Variants in EML1 observed in about 807,000 individuals in gnomAD.
EML1 encodes the protein EMAP like 1.
In EML1, 27 loss-of-function variants were observed where a neutral mutation model predicts 110.4. The observed-to-expected ratio is 0.24, with a 90% confidence interval of 0.18 to 0.34. The LOEUF is 0.34. Among genes scored for constraint, EML1 ranks in the 10% least tolerant of loss-of-function variants. The pLI is 1.00. For synonymous variants in EML1, 344 were observed against 385.8 expected, an observed-to-expected ratio of 0.89 and a Z score of 1.27; for missense variants, 741 against 1,030.9, an observed-to-expected ratio of 0.72 and a Z score of 3.85.
intron 1 of EML1, among the ~76,000 whole-genome samples, chr14:99,844,409 G>A (rs1397975453): frequency 1.3e-5 from 2 of 151,704 alleles, no homozygotes; most frequent in East Asian, 3.9e-4. Flanking sequence ...AATCTGGGAG[G>A]TGGAGGTTGC....
At chr14:99,823,361 A>C (rs1315244245) in intron 1 of EML1, among the ~76,000 whole-genome samples, 2 of 152,048 alleles carry the variant, frequency 1.3e-5, no homozygotes, top group East Asian at 3.9e-4. Flanking sequence ...AGCCATCAGA[A>C]CCAGGCATTT....
intron 1 of EML1, among the ~76,000 whole-genome samples, chr14:99,800,926 C>A (rs1206744668): frequency 2.0e-5 from 3 of 152,236 alleles, no homozygotes; most frequent in Non-Finnish European, 4.4e-5. Context: ...AAGCCCAGGG[C>A]CTGCCCGAGG....
chr14:99,914,539 G>A (rs756611705), intron 14 of EML1, 27 bp from the exon 15 acceptor site: 19 of 1,577,150 alleles, frequency 1.2e-5, no homozygotes, highest in East Asian at 1.1e-4. Context: ...ATCTCAGAGC[G>A]CTTCTGTTTG....
At chr14:99,920,408 C>G (rs940027737) in intron 16 of EML1, among the ~76,000 whole-genome samples, 2 of 152,220 alleles carry the variant, frequency 1.3e-5, no homozygotes, top group African/African-American at 4.8e-5. Flanking sequence ...CTGCTTCGCC[C>G]TGGAAACCTG....
At chr14:99,862,921 A>G (rs1595395011) in intron 2 of EML1, among the ~76,000 whole-genome samples, 1 of 152,210 alleles carries the variant, frequency 6.6e-6, no homozygotes, top group Non-Finnish European at 1.5e-5. Context: ...ACATGTGTTT[A>G]TACTAACCTG....
chr14:99,921,004 G>A (rs2060121614), intron 17 of EML1, 127 bp downstream of exon 17: 1 of 811,460 alleles, frequency 1.2e-6, no homozygotes, highest in Admixed American at 2.8e-5. Flanking sequence ...TTAACGCACA[G>A]ATCAACCCAT....
chr14:99,926,574 T>C (rs4905919), intron 17 of EML1, among the ~76,000 whole-genome samples: 115,848 of 151,936 alleles, frequency 0.76, 44,653 homozygotes, highest in African/African-American at 0.89. Context: ...CATAAGCCAC[T>C]GCCCCTGGCA....
chr14:99,892,255 A>G, intron 5 of EML1: 7 of 967,022 alleles, frequency 7.2e-6, no homozygotes, highest in Non-Finnish European at 8.6e-6. Flanking sequence ...CAGGCTACAG[A>G]AACCTTTTTC....
At chr14:99,798,910 T>C (rs1246747305) in intron 1 of EML1, among the ~76,000 whole-genome samples, 1 of 152,230 alleles carries the variant, frequency 6.6e-6, no homozygotes, top group Non-Finnish European at 1.5e-5. Flanking sequence ...TGTGTTGTAA[T>C]GCTATAAATA....
chr14:99,918,184 G>C (rs1302150740), intron 16 of EML1, among the ~76,000 whole-genome samples: 1 of 152,154 alleles, frequency 6.6e-6, no homozygotes, highest in East Asian at 1.9e-4. Context: ...GCTTACTGCA[G>C]CCTCCAGGGC....
At chr14:99,817,519 C>T (rs35522344) in intron 1 of EML1, among the ~76,000 whole-genome samples, 46,053 of 152,140 alleles carry the variant, frequency 0.3, 8,506 homozygotes, top group South Asian at 0.51. Flanking sequence ...GCTCCCGCAG[C>T]ATTAGTGCAG....
rs976259795 is a variant in EML1, at chr14:99,827,281, G to A, written c.68-23572G>A. Among the ~76,000 whole-genome samples, 2 of 152,140 alleles carry A rather than the reference G, an allele frequency of 1.3e-5. No individual in the cohort carries two copies. The highest frequency in any genetic ancestry group is 1.9e-4 in the East Asian group (1 of 5,194). Reference sequence around the variant, plus strand: ...AAGACACAGGGAGAAGATGGCCAGCGAGAGAGGCCTCAGAAGAAACTAGCG... The same window carrying A: ...AAGACACAGGGAGAAGATGGCCAGCAAGAGAGGCCTCAGAAGAAACTAGCG... On this transcript the variant is annotated intron_variant, in intron 1 of 21. Coordinates refer to ENST00000262233, the MANE Select transcript of EML1 (RefSeq NM_004434.3). The surrounding 1 kb of genome is among the most constrained non-coding windows in gnomAD (Gnocchi z 4.4).
intron 9 of EML1, 42 bp downstream of exon 9, chr14:99,901,081 G>A (rs199992203): frequency 3.5e-5 from 54 of 1,544,364 alleles, no homozygotes; most frequent in Middle Eastern, 1.7e-4. Context: ...TCTTCCACAG[G>A]AAGTAGAGAA....
upstream of EML1, among the ~76,000 whole-genome samples, chr14:99,771,499 AT>A (rs1367364635): frequency 6.6e-6 from 1 of 152,136 alleles, no homozygotes; most frequent in Non-Finnish European, 1.5e-5. Flanking sequence ...GATTGTTTCC[AT>A]TTTTTTGGCT....
chr14:99,928,394 C>G (rs2140111757), intron 17 of EML1, among the ~76,000 whole-genome samples: 1 of 152,046 alleles, frequency 6.6e-6, no homozygotes, highest in South Asian at 2.1e-4. Context: ...TCTGGCATAA[C>G]AAGTTGTTCC....
chr14:99,763,175 ATGATTG>A (rs1172876528), intron 1 of EML1, among the ~76,000 whole-genome samples: 1 of 152,206 alleles, frequency 6.6e-6, no homozygotes, highest in Non-Finnish European at 1.5e-5. Context: ...GCCTTCTGCC[ATGATTG>A]TGAGGCCTCC....
intron 1 of EML1, chr14:99,838,906 T>TGCGCGCGCGC (rs1555394663): frequency 2.9e-4 from 42 of 143,474 alleles, no homozygotes; most frequent in South Asian, 8.8e-4. Flanking sequence ...GGTTGGGGAG[T>TGCGCGCGCGC]GCGCGCGCGC....
At chr14:99,885,842 T>G (rs1247836130) in intron 4 of EML1, 2 of 454,700 alleles carry the variant, frequency 4.4e-6, no homozygotes, top group Non-Finnish European at 8.8e-6. Flanking sequence ...CAATAACCTG[T>G]TCCTCACAGT....
chr14:99,893,478 G>A (rs1276984174), intron 5 of EML1, among the ~76,000 whole-genome samples: 1 of 152,180 alleles, frequency 6.6e-6, no homozygotes, highest in East Asian at 1.9e-4. Context: ...GCCTTAATAC[G>A]CAGTGTGAAG....
Sources: gnomAD v4.1 joint callset for allele counts (sites outside exome capture counted in the v4.1 genomes callset) on GRCh38, gnomAD v4.1.1 for gene constraint, Gnocchi (gnomAD v3.1) non-coding constraint, MANE v1.5 for transcripts, NCBI Gene and HGNC (gene_info 2026-07-23, HGNC 2026-07-21) for gene names.